Variants in FAM171A1 observed in about 807,000 individuals in gnomAD.
FAM171A1 encodes the protein protein FAM171A1.
A neutral mutation model predicts 74.9 loss-of-function variants in FAM171A1; 23 were observed. The observed-to-expected ratio is 0.31, with a 90% confidence interval of 0.22 to 0.44. FAM171A1 has a LOEUF of 0.44. Ranked by LOEUF, FAM171A1 falls within the 20% of genes least tolerant of loss-of-function variation. FAM171A1 has a pLI of 1.00. For missense variants in FAM171A1, 1,162 were observed against 1,159.2 expected, an observed-to-expected ratio of 1.00 and a Z score of -0.03; for synonymous variants, 527 against 505.7, an observed-to-expected ratio of 1.04 and a Z score of -0.57.
At chr10:15,346,601 G>A (rs1835819418) in intron 1 of FAM171A1, among the ~76,000 whole-genome samples, 1 of 152,166 alleles carries the variant, frequency 6.6e-6, no homozygotes, top group Non-Finnish European at 1.5e-5. Flanking sequence ...ACAAGCCGAG[G>A]TCCATCTGGA....
intron 1 of FAM171A1, among the ~76,000 whole-genome samples, chr10:15,349,687 G>A (rs1014523833): frequency 6.6e-6 from 1 of 152,114 alleles, no homozygotes; most frequent in Admixed American, 6.5e-5. Context: ...ACGTGGCACC[G>A]ATCTGGGTGT....
At chr10:15,243,899 C>T (rs1055234581) in intron 5 of FAM171A1, among the ~76,000 whole-genome samples, 17 of 152,104 alleles carry the variant, frequency 1.1e-4, no homozygotes, top group Admixed American at 3.9e-4. Context: ...TACAGGCGCC[C>T]GCCACCACAC....
intron 1 of FAM171A1, among the ~76,000 whole-genome samples, chr10:15,324,037 G>A (rs895603126): frequency 3.9e-5 from 6 of 152,084 alleles, no homozygotes; most frequent in African/African-American, 9.7e-5. Flanking sequence ...CTGCAATCAC[G>A]CAACTTTTAG....
intron 5 of FAM171A1, among the ~76,000 whole-genome samples, chr10:15,224,003 C>A (rs766017675): frequency 6.6e-6 from 1 of 152,162 alleles, no homozygotes; most frequent in Non-Finnish European, 1.5e-5. Flanking sequence ...CTAATGAGTC[C>A]CCAAGTTCAC....
chr10:15,248,221 A>G (rs1246053929), intron 5 of FAM171A1, among the ~76,000 whole-genome samples: 1 of 152,102 alleles, frequency 6.6e-6, no homozygotes, highest in Non-Finnish European at 1.5e-5. Flanking sequence ...ACTTATGGGT[A>G]ATTTTTATTT....
rs1588489220 is a variant in FAM171A1, at chr10:15,212,848, T to G, written c.*67A>C. The G allele has an allele frequency of 6.3e-7, 1 of 1,583,932 alleles. No individual in the cohort carries two copies. Among genetic ancestry groups the G allele is most frequent in the Non-Finnish European group, 8.6e-7 (1 of 1,167,596 alleles). ...CCGTTCCGTTTCCTCCACGAACGGG[T>G]ACGCGCTTCCATGAGAAAGGATATT... On this transcript the variant is annotated 3_prime_UTR_variant, in exon 8 of 8. Coordinates refer to ENST00000378116, the MANE Select transcript of FAM171A1 (RefSeq NM_001010924.2).
intron 1 of FAM171A1, among the ~76,000 whole-genome samples, chr10:15,300,620 C>CA (rs145825136): frequency 0.4 from 39,449 of 97,710 alleles, 5,565 homozygotes; most frequent in African/African-American, 0.46. Context: ...AAAAAATAAA[C>CA]AAAAAAAAAA....
intron 1 of FAM171A1, among the ~76,000 whole-genome samples, chr10:15,353,019 G>A (rs188648615): frequency 3.9e-5 from 6 of 152,296 alleles, no homozygotes; most frequent in African/African-American, 9.6e-5. Flanking sequence ...TTAAAAGGGC[G>A]CTCTGTGCTC....
At chr10:15,320,344 C>T (rs1005083913) in intron 1 of FAM171A1, among the ~76,000 whole-genome samples, 1 of 152,188 alleles carries the variant, frequency 6.6e-6, no homozygotes, top group East Asian at 1.9e-4. Context: ...CATATATGTA[C>T]CACACTGTCT....
intron 4 of FAM171A1, among the ~76,000 whole-genome samples, chr10:15,251,586 T>G (rs1275389071): frequency 6.6e-6 from 1 of 151,758 alleles, no homozygotes; most frequent in Non-Finnish European, 1.5e-5. Context: ...TTTCTTTGTT[T>G]TTGTATTTTT....
chr10:15,368,778 G>T (rs1408198441), intron 1 of FAM171A1, among the ~76,000 whole-genome samples: 1 of 152,190 alleles, frequency 6.6e-6, no homozygotes, highest in Non-Finnish European at 1.5e-5. Context: ...GAGAACACAT[G>T]AATTTTAAAA....
chr10:15,238,786 A>G (rs1347214185), intron 5 of FAM171A1, among the ~76,000 whole-genome samples: 2 of 151,988 alleles, frequency 1.3e-5, no homozygotes, highest in African/African-American at 2.4e-5. Context: ...TTCTATAGCA[A>G]CCCCCACACA....
chr10:15,365,392 A>G (rs1194941354), intron 1 of FAM171A1, among the ~76,000 whole-genome samples: 1 of 152,224 alleles, frequency 6.6e-6, no homozygotes, highest in Non-Finnish European at 1.5e-5. Flanking sequence ...CATCAACTAA[A>G]GATGCGAGAG....
intron 1 of FAM171A1, among the ~76,000 whole-genome samples, chr10:15,360,847 C>T (rs1160822494): frequency 2.0e-5 from 3 of 152,172 alleles, no homozygotes; most frequent in East Asian, 1.9e-4. Flanking sequence ...ATCACCCTGG[C>T]GGTTCTGGTA....
At chr10:15,330,661 T>C (rs1284384984) in intron 1 of FAM171A1, among the ~76,000 whole-genome samples, 2 of 151,660 alleles carry the variant, frequency 1.3e-5, no homozygotes, top group East Asian at 3.9e-4. Flanking sequence ...AAAGCACTCC[T>C]GAACACCCAG....
rs1564626687 is a variant in FAM171A1, at chr10:15,263,855, CTATCT to C, written c.419-8981_419-8977del. Among the ~76,000 whole-genome samples the C allele has an allele frequency of 5.4e-3, 67 of 12,480 alleles. 1 individual carries two copies. Among genetic ancestry groups the C allele is most frequent in the South Asian group, 0.012 (5 of 426 alleles). 8.2% of individuals were successfully genotyped at this position (12,480 alleles called of 152,430 possible). ...CTATCTATACATTTATCTCATCTAT[CTATCT>C]ATCTATCTATCTATCTATCTATCTA... On this transcript the variant is annotated intron_variant, in intron 3 of 7. Coordinates refer to ENST00000378116, the MANE Select transcript of FAM171A1 (RefSeq NM_001010924.2).
At chr10:15,240,213 T>C (rs768759657) in intron 5 of FAM171A1, among the ~76,000 whole-genome samples, 28 of 151,952 alleles carry the variant, frequency 1.8e-4, no homozygotes, top group Admixed American at 1.8e-3. Context: ...ATACAAAAAT[T>C]AGCCTGGTGT....
chr10:15,289,159 G>A (rs1485245725), intron 1 of FAM171A1, among the ~76,000 whole-genome samples: 2 of 152,044 alleles, frequency 1.3e-5, no homozygotes, highest in Admixed American at 6.6e-5. Flanking sequence ...GGGCATCATC[G>A]TTATAGAATA....
At chr10:15,254,354 C>T (rs530332909) in intron 4 of FAM171A1, among the ~76,000 whole-genome samples, 16 of 152,134 alleles carry the variant, frequency 1.1e-4, no homozygotes, top group East Asian at 9.7e-4. Flanking sequence ...GCTCGTGGGA[C>T]GAGGCAGAGG....
Sources: allele counts gnomAD v4.1 joint callset (sites outside exome capture counted in the v4.1 genomes callset), GRCh38; gene constraint gnomAD v4.1.1; transcripts MANE v1.5; gene names NCBI Gene and HGNC (gene_info 2026-07-23, HGNC 2026-07-21).